CSK: variants seen among roughly 807,000 people sequenced by gnomAD.
CSK encodes C-terminal Src kinase.
CSK carries 7 observed loss-of-function variants against 62.3 expected under a neutral mutation model. That is an observed-to-expected ratio of 0.11 (90% CI 0.06 to 0.21). The LOEUF (loss-of-function observed/expected upper bound fraction) is 0.21, where lower values mean the gene tolerates loss of function less well. Among genes scored for constraint, CSK ranks in the 10% least tolerant of loss-of-function variants. The pLI, the probability that CSK is intolerant of heterozygous loss-of-function variation, is 1.00. For missense variants in CSK, 294 were observed against 613.5 expected (o/e 0.48, Z 5.50); for synonymous variants, 237 against 246.0 (o/e 0.96, Z 0.34).
intron 1 of CSK, among the ~76,000 whole-genome samples, chr15:74,792,147 C>T (rs1243231363): frequency 6.6e-6 from 1 of 152,154 alleles, no homozygotes; most frequent in Admixed American, 6.5e-5. Flanking sequence ...GTAATTTATC[C>T]ACCCAGCCCC....
Position 74,799,498 on chromosome 15 carries a change from TGGG to T in CSK, c.462+11_462+13del. On this transcript the variant is annotated splice_region_variant and intron_variant, in intron 5 of 12. Transcript: ENST00000220003. ...CCTCATGCAGCTGGTGGAGGTGAGC[TGGG>T]GGGTACAGAGCCTTGCTCCCACCCT... 1 of 1,611,236 alleles carries T rather than the reference TGGG, an allele frequency of 6.2e-7. No homozygotes were observed. Among genetic ancestry groups the T allele is most frequent in the Non-Finnish European group, 8.5e-7 (1 of 1,179,202 alleles).
chr15:74,783,715 G>C (rs964874417), intron 1 of CSK, among the ~76,000 whole-genome samples: 1 of 152,234 alleles, frequency 6.6e-6, no homozygotes, highest in Admixed American at 6.5e-5. Flanking sequence ...AGCTGTGGCT[G>C]GGTCAGCTAG....
At chr15:74,797,872 A>T in intron 1 of CSK, 1 of 170,740 alleles carries the variant, frequency 5.9e-6, no homozygotes, top group South Asian at 1.4e-4. Context: ...CTCAGATCAC[A>T]TAGCCCCTTC....
chr15:74,797,526 AAAAAG>A (rs763510155), intron 1 of CSK, among the ~76,000 whole-genome samples: 6 of 152,364 alleles, frequency 3.9e-5, no homozygotes, highest in South Asian at 2.1e-4. Flanking sequence ...TCCATCTCAA[AAAAAG>A]AAAAGAAAAG....
At position 74,798,394 on chromosome 15, in the gene CSK, G is replaced by C. The variant is rs1411657936; in HGVS notation, c.15+82G>C. 6 of 1,537,414 alleles carry C rather than the reference G, an allele frequency of 3.9e-6. No individual in the cohort carries two copies. In the East Asian group the frequency reaches 1.4e-4, roughly 36 times the overall value. Reference sequence around the variant, plus strand: ...TGCTTAGCAGAGGAGAGAGGATGCAGCTTAGATCAACCCACTCCCCTTTTT... The same window carrying C: ...TGCTTAGCAGAGGAGAGAGGATGCACCTTAGATCAACCCACTCCCCTTTTT... On this transcript the variant is annotated intron_variant, in intron 2 of 12. Transcript: ENST00000220003. The surrounding 1 kb of genome is among the most constrained non-coding windows in gnomAD (Gnocchi z 6.6).
chr15:74,801,931 A>G, intron 11 of CSK, 41 bp downstream of exon 11: 1 of 1,608,918 alleles, frequency 6.2e-7, no homozygotes, highest in Non-Finnish European at 8.5e-7. Context: ...GGTGGGCAGG[A>G]GTCCTGGGTC....
rs1277332727 is a variant in CSK at position 74,800,994 on chromosome 15, A to G, written c.723-18A>G. On this transcript the variant is annotated intron_variant, in intron 8 of 12. Transcript: ENST00000220003. ...AGGCACCAGCTTCCCCTTTCTGACC[A>G]CTCTCGTCCTGCCCCAGGCAACTGC... 1.2e-5 allele frequency: 20 copies of G among 1,612,636 alleles called. No homozygotes were observed. Among genetic ancestry groups the G allele is most frequent in the Non-Finnish European group, 1.7e-5 (20 of 1,179,868 alleles).
chr15:74,799,585 G>A (rs1031958199), intron 5 of CSK, 94 bp downstream of exon 5: 70 of 1,317,010 alleles, frequency 5.3e-5, no homozygotes, highest in South Asian at 1.5e-4. Context: ...CTGCTTCTGC[G>A]TGGTGACCAG....
chr15:74,802,640 G>C lies in CSK; in HGVS notation c.*127G>C. On this transcript the variant is annotated 3_prime_UTR_variant, in exon 13 of 13. Coordinates refer to ENST00000220003, the MANE Select transcript of CSK (RefSeq NM_004383.3). ...GCGGGCTGGCGGGCCTTTTTCCTGC[G>C]TCCCAGCCTGCACCCCTCCGGCCCC... is the stretch of plus-strand genomic sequence containing the variant. The C allele has an allele frequency of 2.5e-6, 3 of 1,195,176 alleles. No individual in the cohort carries two copies. Among genetic ancestry groups the C allele is most frequent in the Non-Finnish European group, 2.3e-6 (2 of 864,066 alleles). 74.0% of individuals were successfully genotyped at this position (1,195,176 alleles called of 1,614,324 possible). A position where few individuals can be genotyped will look rare whatever the true frequency, so the allele number is the denominator to read the frequency against.
At chr15:74,799,076 G>A (rs1567218539) in intron 4 of CSK, 138 bp downstream of exon 4, 28 of 978,464 alleles carry the variant, frequency 2.9e-5, no homozygotes, top group Non-Finnish European at 4.0e-5. Flanking sequence ...GTGCGGGTGC[G>A]GGACCTCACA....
chr15:74,790,765 T>C (rs2063608329), intron 1 of CSK: 1 of 152,288 alleles, frequency 6.6e-6, no homozygotes, highest in Non-Finnish European at 1.5e-5. Context: ...GAGCAGCCGC[T>C]TTGGGCCCAG....
rs994838656 is a variant in CSK at position 74,798,927 on chromosome 15, C to T, written c.231C>T (p.Leu77=). 1.7e-5 allele frequency: 26 copies of T among 1,526,060 alleles called. No individual in the cohort carries two copies. Among genetic ancestry groups the T allele is most frequent in the Non-Finnish European group, 2.1e-5 (24 of 1,138,284 alleles). The allele number at this position is 1,526,060 out of a possible 1,614,324, so 94.5% of individuals were successfully genotyped here. Residue 77 remains leucine (L), a synonymous_variant, in exon 4 of 13, where the codon CTC becomes CTT. Coordinates refer to ENST00000220003, the MANE Select transcript of CSK (RefSeq NM_004383.3). This position sits in a 1 kb window ranked among gnomAD's most constrained non-coding sequence, Gnocchi z 6.6. ...KREGVKAGTK[L]SLMPWFHGKI... is the part of the protein sequence containing the mutation. Reference sequence around the variant, plus strand: ...AGGGCGTGAAGGCGGGTACCAAACTCAGCCTCATGCCGTGAGTACCACGAG... The same window carrying T: ...AGGGCGTGAAGGCGGGTACCAAACTTAGCCTCATGCCGTGAGTACCACGAG...
chr15:74,792,593 A>ACC (rs2063639685), intron 1 of CSK, among the ~76,000 whole-genome samples: 1 of 151,888 alleles, frequency 6.6e-6, no homozygotes, highest in Non-Finnish European at 1.5e-5. Flanking sequence ...TCTGTGCCTG[A>ACC]CCCCCGCTGG....
chr15:74,791,233 A>G (rs2063615668), intron 1 of CSK, among the ~76,000 whole-genome samples: 1 of 152,162 alleles, frequency 6.6e-6, no homozygotes, highest in Non-Finnish European at 1.5e-5. Context: ...AGTATTCCAT[A>G]GAGAACCTGC....
In CSK at chr15:74,798,259, G is replaced by A; in HGVS notation, c.-39G>A. The A allele has an allele frequency of 6.5e-7, 1 of 1,546,302 alleles. No homozygotes were observed. Among genetic ancestry groups the A allele is most frequent in the Non-Finnish European group, 8.7e-7 (1 of 1,146,456 alleles). On this transcript the variant is annotated 5_prime_UTR_variant, in exon 2 of 13. Transcript: ENST00000220003. The surrounding 1 kb of genome is among the most constrained non-coding windows in gnomAD (Gnocchi z 6.6). ...TCTAATGGTACCAAGTGACAGGTTGGCTTTACTGTGACTCGGGGACGCCAG... is the reference window on the plus strand; with the variant it reads ...TCTAATGGTACCAAGTGACAGGTTGACTTTACTGTGACTCGGGGACGCCAG...
chr15:74,800,658 C>A, intron 6 of CSK, 23 bp from the exon 7 acceptor site: 1 of 1,538,834 alleles, frequency 6.5e-7, no homozygotes, highest in Non-Finnish European at 8.8e-7. Context: ...GGCCTCCAGG[C>A]CCTCACTGGC....
chr15:74,787,939 C>T (rs985580864), intron 1 of CSK, among the ~76,000 whole-genome samples: 7 of 152,194 alleles, frequency 4.6e-5, no homozygotes, highest in Admixed American at 6.5e-5. Flanking sequence ...AAGAGCAAAC[C>T]CTGAGAGCGC....
intron 1 of CSK, among the ~76,000 whole-genome samples, chr15:74,796,226 A>G (rs1370820942): frequency 2.0e-5 from 3 of 152,112 alleles, no homozygotes. Context: ...CTGTCTCAAA[A>G]AAAAAAAGAA....
intron 1 of CSK, among the ~76,000 whole-genome samples, chr15:74,792,290 G>T (rs766088009): frequency 2.6e-5 from 4 of 152,162 alleles, no homozygotes; most frequent in Admixed American, 2.0e-4. Flanking sequence ...CCCCAAGGTT[G>T]AGTGGAAGTC....
Sources: gnomAD v4.1 joint callset for allele counts (sites outside exome capture counted in the v4.1 genomes callset) on GRCh38, gnomAD v4.1.1 for gene constraint, Gnocchi (gnomAD v3.1) non-coding constraint, MANE v1.5 for transcripts, NCBI Gene and HGNC (gene_info 2026-07-23, HGNC 2026-07-21) for gene names.